The following SUMF1 variants were observed in gnomAD, a reference collection of about 807,000 sequenced individuals.
The protein encoded by SUMF1 is formylglycine-generating enzyme.
Under a neutral mutation model 47.6 loss-of-function variants are expected in SUMF1, and 48 were observed. That is an observed-to-expected ratio of 1.01 (90% confidence interval 0.80 to 1.28). The LOEUF is 1.28. SUMF1 is among the 50% of genes most tolerant of loss of function. The pLI is 0.00. For synonymous variants in SUMF1, 230 were observed against 192.1 expected, an observed-to-expected ratio of 1.20 and a Z score of -1.63; for missense variants, 571 against 485.4, an observed-to-expected ratio of 1.18 and a Z score of -1.66.
chr3:4,185,777 A>C (rs374929788), intron 8 of SUMF1, among the ~76,000 whole-genome samples: 1 of 152,220 alleles, frequency 6.6e-6, no homozygotes, highest in Non-Finnish European at 1.5e-5. Flanking sequence ...TTATACATAC[A>C]TGGGTAACTG....
chr3:4,409,907 T>C (rs532106135), intron 7 of SUMF1, among the ~76,000 whole-genome samples: 23 of 152,354 alleles, frequency 1.5e-4, no homozygotes, highest in African/African-American at 5.5e-4. Flanking sequence ...GCAGAGTCTA[T>C]TTCTTCAATT....
intron 8 of SUMF1, among the ~76,000 whole-genome samples, chr3:4,091,350 G>C (rs1297959540): frequency 1.3e-5 from 2 of 152,004 alleles, no homozygotes; most frequent in Non-Finnish European, 2.9e-5. Flanking sequence ...CATGATAGTG[G>C]CTCCATAAAT....
intron 8 of SUMF1, among the ~76,000 whole-genome samples, chr3:4,208,104 T>C (rs991481428): frequency 1.3e-5 from 2 of 152,054 alleles, no homozygotes; most frequent in African/African-American, 4.8e-5. Context: ...AGGAATACCC[T>C]CAAGAGAAAC....
rs572873576 is a variant in SUMF1 at position 4,039,726 on chromosome 3, T to TA, written c.1191+28842dup. On this transcript the variant is annotated intron_variant and NMD_transcript_variant, in intron 9 of 12. Transcript: ENST00000448413. Reference sequence around the variant, plus strand: ...AGGTCCTAATGACTATAGTTAATTATAATGTTTTGTATGGTCAGGTATGGT... The same window carrying TA: ...AGGTCCTAATGACTATAGTTAATTATAAATGTTTTGTATGGTCAGGTATGGT... 5.3e-5 allele frequency among the ~76,000 whole-genome samples: 8 copies of TA among 152,196 alleles called. No homozygotes were observed. In the South Asian group the frequency reaches 1.7e-3, roughly 32 times the overall value.
chr3:4,182,935 C>T (rs1695126760), intron 8 of SUMF1, among the ~76,000 whole-genome samples: 1 of 142,594 alleles, frequency 7.0e-6, no homozygotes, highest in African/African-American at 2.4e-5. Flanking sequence ...TCCATTATTC[C>T]TCAGACAGAA....
At chr3:4,090,436 C>T (rs1692761265) in intron 8 of SUMF1, among the ~76,000 whole-genome samples, 1 of 152,062 alleles carries the variant, frequency 6.6e-6, no homozygotes, top group Non-Finnish European at 1.5e-5. Context: ...GGGGTCCTCT[C>T]CAAGGTCAGT....
intron 8 of SUMF1, among the ~76,000 whole-genome samples, chr3:4,099,280 T>C (rs920672144): frequency 6.6e-6 from 1 of 152,112 alleles, no homozygotes; most frequent in Admixed American, 6.5e-5. Flanking sequence ...GTGAGAATTA[T>C]CCCTGGGAGG....
intron 8 of SUMF1, among the ~76,000 whole-genome samples, chr3:4,336,559 T>A (rs1487540092): frequency 1.3e-5 from 2 of 152,172 alleles, no homozygotes; most frequent in Non-Finnish European, 2.9e-5. Context: ...GCATAGTGAG[T>A]TTGAGGTCCC....
intron 8 of SUMF1, among the ~76,000 whole-genome samples, chr3:4,373,994 T>A (rs150025494): frequency 1.3e-5 from 2 of 151,862 alleles, no homozygotes; most frequent in Non-Finnish European, 2.9e-5. Context: ...CCATTGCTGA[T>A]AAAAAACTCT....
intron 8 of SUMF1, among the ~76,000 whole-genome samples, chr3:4,165,866 C>T (rs200422694): frequency 0.12 from 7,748 of 65,534 alleles, 710 homozygotes; most frequent in East Asian, 0.39. Context: ...TTTGTTTCCC[C>T]CCCCCCCCCG....
chr3:4,327,501 CA>C (rs1452019728), intron 8 of SUMF1, among the ~76,000 whole-genome samples: 6 of 151,986 alleles, frequency 3.9e-5, no homozygotes, highest in African/African-American at 1.4e-4. Flanking sequence ...GTAGGACAGT[CA>C]TGGTTAAAAA....
At chr3:4,107,537 T>C (rs1693186773) in intron 8 of SUMF1, among the ~76,000 whole-genome samples, 1 of 152,120 alleles carries the variant, frequency 6.6e-6, no homozygotes, top group South Asian at 2.1e-4. Flanking sequence ...TATTTGATAT[T>C]TGTGAATAAA....
At chr3:4,403,747 AG>A (rs1701288203) in intron 7 of SUMF1, among the ~76,000 whole-genome samples, 1 of 152,200 alleles carries the variant, frequency 6.6e-6, no homozygotes, top group South Asian at 2.1e-4. Context: ...AGTGTTGGAG[AG>A]TTACTGTTCA....
At chr3:4,332,690 A>T (rs1699073136) in intron 8 of SUMF1, among the ~76,000 whole-genome samples, 1 of 152,320 alleles carries the variant, frequency 6.6e-6, no homozygotes, top group East Asian at 1.9e-4. Context: ...TGTTTTCTTA[A>T]TTAGATTACT....
chr3:4,069,765 C>G (rs926361659), intron 8 of SUMF1, among the ~76,000 whole-genome samples: 2 of 152,092 alleles, frequency 1.3e-5, no homozygotes, highest in African/African-American at 2.4e-5. Context: ...ACTTTTCAAT[C>G]TGACTCTGGA....
chr3:4,180,404 T>G (rs2125133000), intron 8 of SUMF1, among the ~76,000 whole-genome samples: 1 of 152,134 alleles, frequency 6.6e-6, no homozygotes, highest in Middle Eastern at 3.4e-3. Context: ...GGAACATGAA[T>G]GAAACTGGAA....
intron 8 of SUMF1, among the ~76,000 whole-genome samples, chr3:4,201,534 C>G (rs1014636190): frequency 6.6e-5 from 10 of 151,978 alleles, no homozygotes; most frequent in Non-Finnish European, 1.2e-4. Flanking sequence ...TTTTCTTTAT[C>G]CATTTATTGG....
At chr3:4,180,895 G>T (rs955358553) in intron 8 of SUMF1, among the ~76,000 whole-genome samples, 1 of 151,914 alleles carries the variant, frequency 6.6e-6, no homozygotes, top group African/African-American at 2.4e-5. Flanking sequence ...CCACATGGTT[G>T]GTAAGAATTC....
At chr3:4,458,783 G>A (rs2125159451) in intron 1 of SUMF1, among the ~76,000 whole-genome samples, 1 of 152,290 alleles carries the variant, frequency 6.6e-6, no homozygotes, top group Non-Finnish European at 1.5e-5. Context: ...GTGAACCTGG[G>A]AGGCGGAGCT....
Sources: gnomAD v4.1 joint callset for allele counts (sites outside exome capture counted in the v4.1 genomes callset) on GRCh38, gnomAD v4.1.1 for gene constraint, MANE v1.5 for transcripts, NCBI Gene and HGNC (gene_info 2026-07-23, HGNC 2026-07-21) for gene names.